GABBR2: variants seen among roughly 807,000 people sequenced by gnomAD.
GABBR2 encodes the protein gamma-aminobutyric acid type B receptor subunit 2, also known as G-protein coupled receptor 51.
GABBR2 carries 23 observed loss-of-function variants against 105.6 expected under a neutral mutation model. The observed-to-expected ratio is 0.22, with a 90% CI of 0.16 to 0.31. The LOEUF is 0.31. Ranked by LOEUF, GABBR2 falls within the 10% of genes least tolerant of loss-of-function variation. GABBR2 has a pLI of 1.00. For synonymous variants in GABBR2, 478 were observed against 499.7 expected (o/e 0.96, Z 0.58); for missense variants, 734 against 1,245.5 (o/e 0.59, Z 6.18).
At chr9:98,302,168 G>T (rs144635334) in intron 16 of GABBR2, among the ~76,000 whole-genome samples, 213 of 152,318 alleles carry the variant, frequency 1.4e-3, no homozygotes, top group Non-Finnish European at 2.4e-3. Flanking sequence ...TCCAGCTAGA[G>T]ACGACGTTTC....
At chr9:98,298,182 C>T (rs965317868) in intron 17 of GABBR2, among the ~76,000 whole-genome samples, 24 of 152,108 alleles carry the variant, frequency 1.6e-4, no homozygotes, top group Non-Finnish European at 2.9e-4. Flanking sequence ...TTCACACACA[C>T]ATGTATGCAT....
intron 7 of GABBR2, among the ~76,000 whole-genome samples, chr9:98,426,558 C>T (rs1223273798): frequency 6.6e-6 from 1 of 152,210 alleles, no homozygotes; most frequent in Non-Finnish European, 1.5e-5. Flanking sequence ...GTGTCCCTGG[C>T]ATGCCTGATT....
intron 1 of GABBR2, among the ~76,000 whole-genome samples, chr9:98,702,850 C>T (rs577852163): frequency 4.4e-4 from 67 of 152,326 alleles, no homozygotes; most frequent in African/African-American, 1.3e-3. Flanking sequence ...CAACTGCCTG[C>T]CTTTGTGGCT....
At chr9:98,376,281 A>G (rs1430869251) in intron 11 of GABBR2, among the ~76,000 whole-genome samples, 2 of 152,166 alleles carry the variant, frequency 1.3e-5, no homozygotes, top group Admixed American at 1.3e-4. Context: ...CAACATGAAA[A>G]TGGACATACA....
At chr9:98,526,626 G>A (rs1168324854) in intron 3 of GABBR2, among the ~76,000 whole-genome samples, 3 of 152,132 alleles carry the variant, frequency 2.0e-5, no homozygotes, top group African/African-American at 7.2e-5. Flanking sequence ...CCACTAGAAT[G>A]TAAGCTCCTT....
intron 1 of GABBR2, among the ~76,000 whole-genome samples, chr9:98,608,544 A>G (rs1182223800): frequency 3.9e-5 from 6 of 152,328 alleles, no homozygotes; most frequent in Non-Finnish European, 7.3e-5. Context: ...CTCTATGATA[A>G]TTATAATACA....
rs937616885 is a variant in GABBR2 at position 98,660,920 on chromosome 9, G to A, written c.321+47497C>T. Among the ~76,000 whole-genome samples, 9 of 152,044 alleles carry A rather than the reference G, an allele frequency of 5.9e-5. No homozygotes were observed. The East Asian group carries it at 1.7e-3, about 29-fold the overall frequency. On this transcript the variant is annotated intron_variant, in intron 1 of 18. Coordinates refer to ENST00000259455, the MANE Select transcript of GABBR2 (RefSeq NM_005458.8). ...ATCCCCATCTCAAGATTCTTTTTTT[G>A]TTTGAAATGGAGTCTCGCTCTGTTG...
intron 1 of GABBR2, among the ~76,000 whole-genome samples, chr9:98,627,254 C>A (rs1829751556): frequency 6.6e-6 from 1 of 152,134 alleles, no homozygotes; most frequent in Non-Finnish European, 1.5e-5. Flanking sequence ...GGAGGCCAAG[C>A]AGATGGCAAG....
intron 3 of GABBR2, among the ~76,000 whole-genome samples, chr9:98,531,133 A>G (rs28410856): frequency 1.1e-3 from 171 of 152,244 alleles, no homozygotes; most frequent in African/African-American, 3.8e-3. Context: ...GCTTGAGTGG[A>G]GGATATATTT....
intron 8 of GABBR2, among the ~76,000 whole-genome samples, chr9:98,395,533 G>A (rs889184623): frequency 6.6e-6 from 1 of 152,100 alleles, no homozygotes; most frequent in Non-Finnish European, 1.5e-5. Flanking sequence ...TGCAGACTCT[G>A]GAGGAGCCCT....
chr9:98,381,573 C>A (rs1488207438), intron 11 of GABBR2, among the ~76,000 whole-genome samples: 4 of 152,174 alleles, frequency 2.6e-5, no homozygotes, highest in Non-Finnish European at 5.9e-5. Context: ...AAATAAATGG[C>A]CCCAGCCCTA....
At chr9:98,538,004 A>C (rs1223218760) in intron 3 of GABBR2, among the ~76,000 whole-genome samples, 2 of 152,198 alleles carry the variant, frequency 1.3e-5, no homozygotes, top group Non-Finnish European at 2.9e-5. Flanking sequence ...CACAGGGCCC[A>C]TCACAGACCA....
At chr9:98,639,405 T>C (rs536961450) in intron 1 of GABBR2, among the ~76,000 whole-genome samples, 10 of 152,232 alleles carry the variant, frequency 6.6e-5, no homozygotes, top group South Asian at 2.1e-4. Flanking sequence ...CTAATGAAGA[T>C]AGCAGCTGCC....
chr9:98,611,423 A>G (rs984043445), intron 1 of GABBR2, among the ~76,000 whole-genome samples: 15 of 152,174 alleles, frequency 9.9e-5, no homozygotes, highest in African/African-American at 3.6e-4. Context: ...GAAAACTGCT[A>G]TGGATTCCTT....
At chr9:98,369,757 G>T (rs1193283223) in intron 12 of GABBR2, among the ~76,000 whole-genome samples, 1 of 144,994 alleles carries the variant, frequency 6.9e-6, no homozygotes, top group Non-Finnish European at 1.5e-5. Flanking sequence ...GGAGGTGTTG[G>T]TAAACAGGTG....
At chr9:98,656,902 G>A (rs1256065115) in intron 1 of GABBR2, among the ~76,000 whole-genome samples, 2 of 152,212 alleles carry the variant, frequency 1.3e-5, no homozygotes, top group Non-Finnish European at 2.9e-5. Flanking sequence ...AGCTGGGTAG[G>A]GGTGCTGGCA....
intron 1 of GABBR2, among the ~76,000 whole-genome samples, chr9:98,699,120 G>A (rs1437010110): frequency 6.6e-6 from 1 of 152,116 alleles, no homozygotes; most frequent in Non-Finnish European, 1.5e-5. Context: ...GTGCTCTCTG[G>A]AGGCGAGAGT....
At chr9:98,371,622 T>A in intron 11 of GABBR2, 51 bp from the exon 12 acceptor site, 1 of 985,908 alleles carries the variant, frequency 1.0e-6, no homozygotes, top group African/African-American at 1.6e-5. Context: ...GTAGACAGAC[T>A]TCATCAGGTA....
At chr9:98,524,141 A>G (rs1827916267) in intron 3 of GABBR2, among the ~76,000 whole-genome samples, 2 of 152,230 alleles carry the variant, frequency 1.3e-5, no homozygotes, top group African/African-American at 2.4e-5. Context: ...TAAGCATGGA[A>G]GAAGCTACAA....
Sources: gnomAD v4.1 joint callset for allele counts (sites outside exome capture counted in the v4.1 genomes callset) on GRCh38, gnomAD v4.1.1 for gene constraint, MANE v1.5 for transcripts, NCBI Gene and HGNC (gene_info 2026-07-23, HGNC 2026-07-21) for gene names.